AFG2A: variants seen among roughly 807,000 people sequenced by gnomAD.
The protein encoded by AFG2A is ATPase family gene 2 protein homolog A.
At chr4:123,152,595 A>G in the AFG2A span, among the ~76,000 whole-genome samples, 1 of 152,244 alleles carries the variant, frequency 6.6e-6, no homozygotes, top group Admixed American at 6.5e-5. Flanking sequence ...CAAATTCCAG[A>G]ACACTGACAA....
At chr4:122,961,961 G>A in the AFG2A span, among the ~76,000 whole-genome samples, 2 of 152,214 alleles carry the variant, frequency 1.3e-5, no homozygotes, top group Non-Finnish European at 2.9e-5. Flanking sequence ...CCAGGGACCG[G>A]TTTTGTGGAA....
At chr4:123,174,564 T>C in the AFG2A span, among the ~76,000 whole-genome samples, 1 of 152,066 alleles carries the variant, frequency 6.6e-6, no homozygotes, top group African/African-American at 2.4e-5. Context: ...AAAAGTAATA[T>C]GGAACTGGCA....
the AFG2A span, among the ~76,000 whole-genome samples, chr4:123,269,578 T>C: frequency 6.6e-6 from 1 of 152,202 alleles, no homozygotes; most frequent in African/African-American, 2.4e-5. Context: ...TGGTTTCAAA[T>C]AAAAATTGGA....
At chr4:123,235,283 T>G in the AFG2A span, among the ~76,000 whole-genome samples, 1 of 152,188 alleles carries the variant, frequency 6.6e-6, no homozygotes, top group African/African-American at 2.4e-5. Flanking sequence ...ACTTTTGTGT[T>G]GTATACAATA....
chr4:122,998,461 C>A, the AFG2A span, among the ~76,000 whole-genome samples: 4 of 151,540 alleles, frequency 2.6e-5, no homozygotes, highest in Admixed American at 6.6e-5. Flanking sequence ...TCCCTCCCCA[C>A]TCCCCCCACC....
chr4:123,275,989 T>G, the AFG2A span, among the ~76,000 whole-genome samples: 1 of 152,242 alleles, frequency 6.6e-6, no homozygotes, highest in Admixed American at 6.5e-5. Context: ...TATATTCCTT[T>G]GAGTATCTAC....
the AFG2A span, among the ~76,000 whole-genome samples, chr4:123,104,803 G>A: frequency 6.6e-6 from 1 of 152,294 alleles, no homozygotes; most frequent in Admixed American, 6.5e-5. Flanking sequence ...CTGTGAAGGC[G>A]GAGAAAGGTC....
At chr4:123,300,371 A>G in the AFG2A span, among the ~76,000 whole-genome samples, 1 of 152,102 alleles carries the variant, frequency 6.6e-6, no homozygotes, top group Non-Finnish European at 1.5e-5. Flanking sequence ...CACATATATA[A>G]TTTTTTGTTG....
the AFG2A span, among the ~76,000 whole-genome samples, chr4:123,078,195 A>C: frequency 1.3e-5 from 2 of 152,088 alleles, no homozygotes; most frequent in African/African-American, 4.8e-5. Context: ...TTCATCTAGC[A>C]CATTATCTTT....
the AFG2A span, among the ~76,000 whole-genome samples, chr4:123,143,338 C>T: frequency 3.9e-5 from 6 of 151,980 alleles, no homozygotes; most frequent in Admixed American, 6.6e-5. Context: ...TTTCAGCAGT[C>T]GTCGCTATTA....
chr4:123,004,575 A>T, the AFG2A span, among the ~76,000 whole-genome samples: 1 of 152,354 alleles, frequency 6.6e-6, no homozygotes, highest in Non-Finnish European at 1.5e-5. Context: ...TAGTCCTGGA[A>T]TGAACTCCAC....
At chr4:123,011,306 C>T in the AFG2A span, among the ~76,000 whole-genome samples, 1 of 152,204 alleles carries the variant, frequency 6.6e-6, no homozygotes. Context: ...GCAGAGTAGG[C>T]TTTTTATTTC....
At chr4:123,220,771 T>C in the AFG2A span, among the ~76,000 whole-genome samples, 1 of 152,184 alleles carries the variant, frequency 6.6e-6, no homozygotes, top group East Asian at 1.9e-4. Context: ...TTCTTCAGCT[T>C]ATAATGGTTA....
At chr4:123,003,934 G>A in the AFG2A span, among the ~76,000 whole-genome samples, 6 of 152,100 alleles carry the variant, frequency 3.9e-5, no homozygotes, top group African/African-American at 1.4e-4. Flanking sequence ...AGGCAGGCAG[G>A]CCTCCTTGAG....
chr4:123,140,027 T>C, the AFG2A span, among the ~76,000 whole-genome samples: 1 of 152,182 alleles, frequency 6.6e-6, no homozygotes, highest in South Asian at 2.1e-4. Context: ...TCAAGGGATT[T>C]ACTCTTTTCT....
chr4:123,256,193 C>T, the AFG2A span: 1 of 1,612,432 alleles, frequency 6.2e-7, no homozygotes, highest in Admixed American at 1.7e-5. Context: ...AAGATAGTTC[C>T]CTTCAAAATA....
At chr4:123,021,819 G>A in the AFG2A span, among the ~76,000 whole-genome samples, 1 of 152,108 alleles carries the variant, frequency 6.6e-6, no homozygotes. Context: ...AAACAGCATG[G>A]TACTGGTACC....
chr4:122,954,263 C>G, the AFG2A span, among the ~76,000 whole-genome samples: 1 of 152,134 alleles, frequency 6.6e-6, no homozygotes, highest in African/African-American at 2.4e-5. Context: ...CCCTCCATCC[C>G]CGTGTCCCAT....
chr4:123,202,175 A>G, the AFG2A span, among the ~76,000 whole-genome samples: 19 of 152,184 alleles, frequency 1.2e-4, no homozygotes, highest in Non-Finnish European at 2.8e-4. Context: ...ATAATATTAC[A>G]TCAGAATTCT....
Sources: gnomAD v4.1 joint callset for allele counts (sites outside exome capture counted in the v4.1 genomes callset) on GRCh38, gnomAD v4.1.1 for gene constraint, MANE v1.5 for transcripts, NCBI Gene and HGNC (gene_info 2026-07-23, HGNC 2026-07-21) for gene names.